Variants in DCDC1 observed in about 807,000 individuals in gnomAD.
The protein encoded by DCDC1 is doublecortin domain containing 1, also known as doublecortin domain-containing protein 1.
DCDC1 carries 200 observed loss-of-function variants against 178.3 expected under a neutral mutation model. The ratio of observed to expected loss-of-function variants is 1.12; its 90% CI spans 1.00 to 1.26. The LOEUF (loss-of-function observed/expected upper bound fraction) is 1.26. Among genes scored for constraint, DCDC1 ranks in the 50% most tolerant of loss-of-function variants. The pLI is 0.00. For synonymous variants in DCDC1, 690 were observed against 604.8 expected, an observed-to-expected ratio of 1.14 and a Z score of -2.07; for missense variants, 1,983 against 1,749.2, an observed-to-expected ratio of 1.13 and a Z score of -2.38.
At chr11:30,946,468 T>G (rs906097525) in intron 21 of DCDC1, among the ~76,000 whole-genome samples, 1 of 152,234 alleles carries the variant, frequency 6.6e-6, no homozygotes, top group Non-Finnish European at 1.5e-5. Flanking sequence ...CTATTTTGAA[T>G]AACTCTTTTT....
chr11:30,971,910 A>C (rs963489881), intron 20 of DCDC1, among the ~76,000 whole-genome samples: 30 of 152,116 alleles, frequency 2.0e-4, no homozygotes, highest in African/African-American at 5.5e-4. Flanking sequence ...CACCTGGCCA[A>C]AAACAGGCTT....
At chr11:31,185,340 A>G (rs2136311866) in intron 9 of DCDC1, among the ~76,000 whole-genome samples, 1 of 152,298 alleles carries the variant, frequency 6.6e-6, no homozygotes, top group African/African-American at 2.4e-5. Context: ...GCAAACCACG[A>G]TGGCACGTGT....
intron 7 of DCDC1, among the ~76,000 whole-genome samples, chr11:31,287,906 G>GTT (rs561445377): frequency 5.1e-5 from 7 of 136,022 alleles, no homozygotes; most frequent in Non-Finnish European, 3.2e-5. Context: ...AGAGGACAGC[G>GTT]TTTTTTTTTT....
intron 9 of DCDC1, among the ~76,000 whole-genome samples, chr11:31,221,377 A>C (rs1257523784): frequency 6.6e-6 from 1 of 152,246 alleles, no homozygotes; most frequent in African/African-American, 2.4e-5. Context: ...GGAAGAAATC[A>C]GAAGGAAGTG....
chr11:30,895,080 T>C (rs1281632774), intron 34 of DCDC1, among the ~76,000 whole-genome samples: 1 of 152,236 alleles, frequency 6.6e-6, no homozygotes, highest in Non-Finnish European at 1.5e-5. Flanking sequence ...TATGAAATTG[T>C]TTTCTTTTTC....
At position 30,911,376 on chromosome 11, in the gene DCDC1, G is replaced by T; in HGVS notation, c.3698C>A (p.Ser1233Tyr). ...VSNPDLVLAVSMTKTRNEVCG... is the reference protein window; with the variant it reads ...VSNPDLVLAVYMTKTRNEVCG... ...AACTTCATTTCTAGTCTTGGTCATA[G>T]ACACTGCCAGCACAAGGTCAGGGTT... The change falls in exon 28 of 39, where the codon TCT (serine) becomes TAT (tyrosine). Residue 1233 changes from serine to tyrosine, a missense_variant. Physicochemically the swap from Ser to Tyr is moderately radical, Grantham distance 144. Transcript: ENST00000684477. 6.2e-7 allele frequency: 1 copy of T among 1,605,598 alleles called. No homozygotes were observed. The highest frequency in any genetic ancestry group is 8.5e-7 in the Non-Finnish European group (1 of 1,175,972).
intron 9 of DCDC1, among the ~76,000 whole-genome samples, chr11:31,214,497 G>A (rs1003405978): frequency 1.3e-5 from 2 of 152,100 alleles, no homozygotes; most frequent in Admixed American, 6.6e-5. Flanking sequence ...GGCCTGAGAT[G>A]GGTAAAATCC....
chr11:30,942,396 G>A (rs1565104012), intron 21 of DCDC1, among the ~76,000 whole-genome samples: 2 of 152,148 alleles, frequency 1.3e-5, no homozygotes, highest in African/African-American at 4.8e-5. Flanking sequence ...CATGAAGCAA[G>A]GGTTGGGTAG....
In DCDC1 at chr11:30,995,223, C is replaced by A. The variant is rs560187548; in HGVS notation, c.2592-42655G>T. Among the ~76,000 whole-genome samples the A allele has an allele frequency of 2.6e-4, 39 of 151,978 alleles. No homozygotes were observed. The South Asian group carries it at 7.5e-3, about 29-fold the overall frequency. ...CTTTTTAAAATGTGTGCAGTATCTA[C>A]GTGGTAAAAACTACAAACACTGATT... On this transcript the variant is annotated intron_variant, in intron 20 of 38. Transcript: ENST00000684477.
At chr11:30,924,513 A>G (rs1946475624) in intron 23 of DCDC1, among the ~76,000 whole-genome samples, 1 of 152,136 alleles carries the variant, frequency 6.6e-6, no homozygotes, top group African/African-American at 2.4e-5. Flanking sequence ...ATGAGGGGGA[A>G]GGCTGGGCTG....
At chr11:30,874,620 TCTC>T (rs1430869751) in intron 38 of DCDC1, among the ~76,000 whole-genome samples, 2 of 152,066 alleles carry the variant, frequency 1.3e-5, no homozygotes, top group African/African-American at 4.8e-5. Context: ...AGTTCCCTCC[TCTC>T]CTCCACCTCT....
intron 3 of DCDC1, among the ~76,000 whole-genome samples, chr11:31,322,047 C>T (rs937988933): frequency 6.6e-6 from 1 of 152,134 alleles, no homozygotes; most frequent in Non-Finnish European, 1.5e-5. Context: ...TTTTCCCAGG[C>T]CCTTTGTATA....
At chr11:31,262,838 A>G in intron 8 of DCDC1, 1 of 426,082 alleles carries the variant, frequency 2.3e-6, no homozygotes, top group Non-Finnish European at 4.1e-6. Flanking sequence ...AAGTTCCTCC[A>G]ACAGGATTAG....
intron 13 of DCDC1, among the ~76,000 whole-genome samples, chr11:31,105,880 A>G (rs1958813272): frequency 6.6e-6 from 1 of 152,184 alleles, no homozygotes; most frequent in Admixed American, 6.5e-5. Context: ...TGCTATTTTC[A>G]TTATAGTTAA....
chr11:31,359,672 C>A (rs1300444047), intron 1 of DCDC1, among the ~76,000 whole-genome samples: 1 of 152,142 alleles, frequency 6.6e-6, no homozygotes, highest in Non-Finnish European at 1.5e-5. Flanking sequence ...GACTGGATCA[C>A]AAAGTTCTGA....
At position 31,136,942 on chromosome 11, in the gene DCDC1, T is replaced by C. The variant is rs139473490; in HGVS notation, c.1314+750A>G. Reference sequence around the variant, plus strand: ...ACTTAGGCTTAACATTTGTAAACTATAGTTTTCCCTTGATAAAAAATAACT... The same window carrying C: ...ACTTAGGCTTAACATTTGTAAACTACAGTTTTCCCTTGATAAAAAATAACT... On this transcript the variant is annotated intron_variant, in intron 10 of 38. Transcript: ENST00000684477. Among the ~76,000 whole-genome samples, 35 of 152,332 alleles carry C rather than the reference T, an allele frequency of 2.3e-4. 1 individual carries two copies. The East Asian group carries it at 2.3e-3, about 10-fold the overall frequency.
At chr11:30,891,879 G>A (rs1054845138) in intron 36 of DCDC1, among the ~76,000 whole-genome samples, 2 of 152,070 alleles carry the variant, frequency 1.3e-5, no homozygotes, top group African/African-American at 4.8e-5. Flanking sequence ...CTTACACTTT[G>A]TAACTGGATT....
intron 20 of DCDC1, among the ~76,000 whole-genome samples, chr11:31,053,011 C>CA (rs200282656): frequency 0.018 from 2,748 of 151,170 alleles, 89 homozygotes; most frequent in African/African-American, 0.063. Flanking sequence ...GAAATGGAAA[C>CA]AAAAAAAATT....
chr11:31,047,702 A>G (rs1954942292), intron 20 of DCDC1, among the ~76,000 whole-genome samples: 1 of 152,166 alleles, frequency 6.6e-6, no homozygotes, highest in Non-Finnish European at 1.5e-5. Flanking sequence ...GTATATTCAT[A>G]TTTAGATTGC....
Sources: allele counts gnomAD v4.1 joint callset (sites outside exome capture counted in the v4.1 genomes callset), GRCh38; gene constraint gnomAD v4.1.1; transcripts MANE v1.5; gene names NCBI Gene and HGNC (gene_info 2026-07-23, HGNC 2026-07-21).